Variants in LIN52 observed in about 807,000 individuals in gnomAD.
The protein encoded by LIN52 is lin-52 DREAM MuvB core complex component.
A neutral mutation model predicts 18.5 loss-of-function variants in LIN52; 4 were observed. The observed-to-expected ratio is 0.22, with a 90% confidence interval of 0.11 to 0.49. LIN52 has a LOEUF of 0.49. Among genes scored for constraint, LIN52 ranks in the 20% least tolerant of loss-of-function variants. The pLI, the probability that LIN52 is intolerant of heterozygous loss-of-function variation, is 0.97. For synonymous variants in LIN52, 34 were observed against 45.5 expected (o/e 0.75, Z 1.02); for missense variants, 102 against 139.5 (o/e 0.73, Z 1.35).
At chr14:74,090,803 G>A (rs765653894) in intron 1 of LIN52, among the ~76,000 whole-genome samples, 1 of 152,064 alleles carries the variant, frequency 6.6e-6, no homozygotes, top group Non-Finnish European at 1.5e-5. Flanking sequence ...CTGAGATGAG[G>A]CTAGAGAAGG....
chr14:74,109,180 T>A (rs2060913380), intron 5 of LIN52, among the ~76,000 whole-genome samples: 1 of 152,208 alleles, frequency 6.6e-6, no homozygotes, highest in Non-Finnish European at 1.5e-5. Context: ...TGTCTTGACA[T>A]CCTTGTAAAA....
chr14:74,190,100 C>T (rs1371913937), intron 5 of LIN52, among the ~76,000 whole-genome samples: 1 of 152,070 alleles, frequency 6.6e-6, no homozygotes, highest in Admixed American at 6.6e-5. Context: ...GACCCCATAT[C>T]TACAAAAAAT....
intron 1 of LIN52, among the ~76,000 whole-genome samples, chr14:74,086,901 T>C (rs2060736212): frequency 6.6e-6 from 1 of 152,104 alleles, no homozygotes; most frequent in Admixed American, 6.6e-5. Flanking sequence ...AAATGTATAC[T>C]TAAAAGTTAT....
chr14:74,098,766 T>A (rs1469252399), intron 4 of LIN52, among the ~76,000 whole-genome samples: 2 of 152,076 alleles, frequency 1.3e-5, no homozygotes, highest in Admixed American at 1.3e-4. Flanking sequence ...CAGGCTGGTC[T>A]CAAACTCCTG....
intron 5 of LIN52, among the ~76,000 whole-genome samples, chr14:74,150,044 TA>T (rs1333659906): frequency 4.6e-5 from 7 of 152,188 alleles, no homozygotes; most frequent in Non-Finnish European, 8.8e-5. Flanking sequence ...TGCTGAGAAA[TA>T]GGAGGCTTTA....
At chr14:74,091,336 C>T in intron 2 of LIN52, 30 bp downstream of exon 2, 1 of 1,367,920 alleles carries the variant, frequency 7.3e-7, no homozygotes, top group Non-Finnish European at 1.0e-6. Flanking sequence ...ATATCAGAGT[C>T]AATGCAGGAG....
intron 5 of LIN52, among the ~76,000 whole-genome samples, chr14:74,103,896 C>CTT (rs754478392): frequency 9.4e-5 from 13 of 138,966 alleles, no homozygotes; most frequent in East Asian, 2.1e-4. Flanking sequence ...CTTTTTCTTT[C>CTT]TTTTTTTTTT....
chr14:74,191,621 G>GT (rs940263115), intron 5 of LIN52, among the ~76,000 whole-genome samples: 4 of 151,222 alleles, frequency 2.6e-5, no homozygotes, highest in African/African-American at 4.9e-5. Flanking sequence ...CTAAACTGGG[G>GT]TTTTTTTCTT....
chr14:74,147,246 G>A (rs193128255), intron 5 of LIN52, among the ~76,000 whole-genome samples: 19 of 152,102 alleles, frequency 1.2e-4, no homozygotes, highest in Non-Finnish European at 2.5e-4. Context: ...CAGTAAGAGC[G>A]AAACTTCATC....
At chr14:74,096,104 AGGCTGGAGTGCAGTGGTACGATCTC>A (rs1371012386) in intron 3 of LIN52, 119 bp downstream of exon 3, 3 of 639,626 alleles carry the variant, frequency 4.7e-6, no homozygotes, top group Non-Finnish European at 7.7e-6. Flanking sequence ...CTCTTCGCCC[AGGCTGGAGTGCAGTGGTACGATCTC>A]GGCTCACTGC....
At chr14:74,124,048 T>A (rs1326729400) in intron 5 of LIN52, among the ~76,000 whole-genome samples, 1 of 152,216 alleles carries the variant, frequency 6.6e-6, no homozygotes, top group Admixed American at 6.5e-5. Flanking sequence ...GATTTGGCCA[T>A]GGATTTTTAT....
intron 5 of LIN52, among the ~76,000 whole-genome samples, chr14:74,160,017 G>C (rs983930467): frequency 6.6e-6 from 1 of 152,166 alleles, no homozygotes; most frequent in East Asian, 1.9e-4. Flanking sequence ...TTTTTTAAGA[G>C]ATCTCTGTTA....
chr14:74,152,626 A>G (rs1308907681), intron 5 of LIN52, among the ~76,000 whole-genome samples: 1 of 151,750 alleles, frequency 6.6e-6, no homozygotes, highest in Non-Finnish European at 1.5e-5. Flanking sequence ...TATGCCTGCC[A>G]TTATGCACTT....
chr14:74,137,498 C>CTCTTTTTTT (rs776969152), intron 5 of LIN52, among the ~76,000 whole-genome samples: 3 of 111,624 alleles, frequency 2.7e-5, no homozygotes, highest in African/African-American at 7.5e-5. Flanking sequence ...CAGCAGCTCT[C>CTCTTTTTTT]TTTTTTTTTT....
chr14:74,120,754 CAAAAAA>C (rs386381782), intron 5 of LIN52, among the ~76,000 whole-genome samples: 1 of 106,130 alleles, frequency 9.4e-6, no homozygotes, highest in Non-Finnish European at 2.0e-5. Context: ...GACTCCCTCT[CAAAAAA>C]AAAAAAAAAA....
At chr14:74,092,587 T>A (rs1488326041) in intron 2 of LIN52, among the ~76,000 whole-genome samples, 1 of 151,326 alleles carries the variant, frequency 6.6e-6, no homozygotes. Flanking sequence ...ATTACAGGCG[T>A]GAGCCACCAT....
intron 5 of LIN52, among the ~76,000 whole-genome samples, chr14:74,164,582 G>A (rs552812771): frequency 7.2e-5 from 11 of 152,092 alleles, no homozygotes; most frequent in African/African-American, 2.7e-4. Context: ...CACCATGCCC[G>A]GCCTGCACTG....
chr14:74,115,741 A>G (rs2060960776), intron 5 of LIN52, among the ~76,000 whole-genome samples: 1 of 152,250 alleles, frequency 6.6e-6, no homozygotes, highest in Non-Finnish European at 1.5e-5. Flanking sequence ...CTTGGTTAAC[A>G]AATTAGGATA....
At chr14:74,132,608 AAGCAATTCTCCTGCCTC>A (rs1281544088) in intron 5 of LIN52, among the ~76,000 whole-genome samples, 1 of 152,190 alleles carries the variant, frequency 6.6e-6, no homozygotes, top group Non-Finnish European at 1.5e-5. Context: ...TCCCCGGCTT[AAGCAATTCTCCTGCCTC>A]AGCCTCCCGA....
Sources: allele counts gnomAD v4.1 joint callset (sites outside exome capture counted in the v4.1 genomes callset), GRCh38; gene constraint gnomAD v4.1.1; transcripts MANE v1.5; gene names NCBI Gene and HGNC (gene_info 2026-07-23, HGNC 2026-07-21).